RPS6KC1: variants seen among roughly 807,000 people sequenced by gnomAD.
RPS6KC1 encodes ribosomal protein S6 kinase C1.
RPS6KC1 carries 54 observed loss-of-function variants against 103.8 expected under a neutral mutation model. The observed-to-expected ratio is 0.52, with a 90% CI of 0.42 to 0.65. RPS6KC1 has a LOEUF of 0.65. Among genes scored for constraint, RPS6KC1 ranks in the 30% least tolerant of loss-of-function variants. The pLI, the probability that RPS6KC1 is intolerant of heterozygous loss-of-function variation, is 0.00. For missense variants in RPS6KC1, 1,151 were observed against 1,253.8 expected (o/e 0.92, Z 1.24); for synonymous variants, 439 against 438.7 (o/e 1.00, Z -0.01).
chr1:213,689,425 C>T, the RPS6KC1 span, among the ~76,000 whole-genome samples: 1 of 152,174 alleles, frequency 6.6e-6, no homozygotes, highest in South Asian at 2.1e-4. Flanking sequence ...GTGAATAATC[C>T]ACCTTTTGTT....
intron 5 of RPS6KC1, among the ~76,000 whole-genome samples, chr1:213,118,003 C>T (rs1470464218): frequency 7.8e-5 from 3 of 38,298 alleles, no homozygotes; most frequent in African/African-American, 3.5e-4. Flanking sequence ...GCCTGGACAA[C>T]AAAGCAAGAC....
chr1:213,772,106 T>C, the RPS6KC1 span, among the ~76,000 whole-genome samples: 7 of 152,282 alleles, frequency 4.6e-5, no homozygotes, highest in African/African-American at 7.2e-5. Flanking sequence ...TATTAAAAAA[T>C]TGAAGTCCTT....
At chr1:213,354,735 T>C in the RPS6KC1 span, among the ~76,000 whole-genome samples, 1 of 152,202 alleles carries the variant, frequency 6.6e-6, no homozygotes, top group Admixed American at 6.5e-5. Context: ...GTCCCACTCC[T>C]ATGATAATCC....
At chr1:213,482,240 C>A in the RPS6KC1 span, among the ~76,000 whole-genome samples, 1 of 152,110 alleles carries the variant, frequency 6.6e-6, no homozygotes, top group Non-Finnish European at 1.5e-5. Flanking sequence ...TTTTGTTTAT[C>A]ATTTATTTTT....
chr1:213,835,366 G>T, the RPS6KC1 span, among the ~76,000 whole-genome samples: 1 of 152,172 alleles, frequency 6.6e-6, no homozygotes, highest in Non-Finnish European at 1.5e-5. Context: ...GGTAACAGAG[G>T]CCATTAGATG....
the RPS6KC1 span, among the ~76,000 whole-genome samples, chr1:213,363,715 T>G: frequency 6.8e-5 from 8 of 118,070 alleles, 1 homozygote; most frequent in South Asian, 5.1e-4. Context: ...TCTTTCTTTC[T>G]TTCTTTCTTT....
the RPS6KC1 span, among the ~76,000 whole-genome samples, chr1:213,622,596 C>T: frequency 1.3e-5 from 2 of 152,086 alleles, no homozygotes; most frequent in Non-Finnish European, 2.9e-5. Flanking sequence ...CTGCCCTTTC[C>T]TTGACACTCT....
chr1:213,518,061 G>A, the RPS6KC1 span, among the ~76,000 whole-genome samples: 1 of 151,966 alleles, frequency 6.6e-6, no homozygotes, highest in East Asian at 1.9e-4. Flanking sequence ...CCCCAGAAAG[G>A]CATGTATTTA....
At chr1:213,059,551 T>G (rs2077635619) in intron 1 of RPS6KC1, among the ~76,000 whole-genome samples, 1 of 152,204 alleles carries the variant, frequency 6.6e-6, no homozygotes, top group South Asian at 2.1e-4. Context: ...GTCTCACTTG[T>G]CATCCAGGCT....
At chr1:213,805,492 A>G in the RPS6KC1 span, among the ~76,000 whole-genome samples, 1 of 152,230 alleles carries the variant, frequency 6.6e-6, no homozygotes, top group African/African-American at 2.4e-5. Flanking sequence ...CTCATCCATA[A>G]GAAGCAACTC....
the RPS6KC1 span, among the ~76,000 whole-genome samples, chr1:213,686,415 A>C: frequency 6.6e-6 from 1 of 152,196 alleles, no homozygotes; most frequent in Non-Finnish European, 1.5e-5. Context: ...CCATCGACCC[A>C]GGTGAACTTC....
At chr1:213,671,218 G>A in the RPS6KC1 span, among the ~76,000 whole-genome samples, 11 of 152,264 alleles carry the variant, frequency 7.2e-5, no homozygotes, top group East Asian at 1.7e-3. Flanking sequence ...TTTGTTATTT[G>A]CAATAACATG....
chr1:213,120,722 T>G (rs908662183), intron 5 of RPS6KC1, among the ~76,000 whole-genome samples: 5 of 152,184 alleles, frequency 3.3e-5, no homozygotes, highest in African/African-American at 1.2e-4. Context: ...TTTTCATATT[T>G]GTGAATTAGC....
chr1:213,743,199 C>T, the RPS6KC1 span, among the ~76,000 whole-genome samples: 12 of 152,138 alleles, frequency 7.9e-5, no homozygotes, highest in Non-Finnish European at 1.6e-4. Context: ...TGGAATACTA[C>T]ACAGTCATAA....
At position 213,192,148 on chromosome 1, in the gene RPS6KC1, A is replaced by T. The variant is rs561530247; in HGVS notation, c.1044+15656A>T. Among the ~76,000 whole-genome samples the T allele has an allele frequency of 2.6e-4, 39 of 152,308 alleles. No homozygotes were observed. The South Asian group carries it at 8.1e-3, about 32-fold the overall frequency. On this transcript the variant is annotated intron_variant, in intron 8 of 14. Transcript: ENST00000366960. ...TGCATTTTCAGCATCAGTTGAAATGATATGGGTTTTGTCTTTCATTCTGTT... is the reference window on the plus strand; with the variant it reads ...TGCATTTTCAGCATCAGTTGAAATGTTATGGGTTTTGTCTTTCATTCTGTT...
the RPS6KC1 span, among the ~76,000 whole-genome samples, chr1:213,655,953 TTG>T: frequency 6.6e-6 from 1 of 152,312 alleles, no homozygotes; most frequent in South Asian, 2.1e-4. Flanking sequence ...TGAAATTGAT[TTG>T]TCAGAATTCA....
downstream of RPS6KC1, among the ~76,000 whole-genome samples, chr1:213,278,737 T>C (rs2095117265): frequency 6.6e-6 from 1 of 152,044 alleles, no homozygotes; most frequent in African/African-American, 2.4e-5. Context: ...GAAGCATAAA[T>C]AATAAGTAGG....
At chr1:213,143,835 T>C (rs1317981914) in intron 6 of RPS6KC1, among the ~76,000 whole-genome samples, 1 of 151,858 alleles carries the variant, frequency 6.6e-6, no homozygotes, top group Non-Finnish European at 1.5e-5. Flanking sequence ...TTTTTTTTTT[T>C]TTTTTCCTGG....
At chr1:213,363,822 T>TC in the RPS6KC1 span, among the ~76,000 whole-genome samples, 1,919 of 90,688 alleles carry the variant, frequency 0.021, 313 homozygotes, top group African/African-American at 0.049. Flanking sequence ...TTCTTCTCTC[T>TC]TTTTTTTTTT....
Sources: gnomAD v4.1 joint callset for allele counts (sites outside exome capture counted in the v4.1 genomes callset) on GRCh38, gnomAD v4.1.1 for gene constraint, MANE v1.5 for transcripts, NCBI Gene and HGNC (gene_info 2026-07-23, HGNC 2026-07-21) for gene names.